Variants in PCDH9 observed in about 807,000 individuals in gnomAD.
The protein encoded by PCDH9 is protocadherin 9, also known as protocadherin-9.
A neutral mutation model predicts 70.6 loss-of-function variants in PCDH9; 24 were observed. The ratio of observed to expected loss-of-function variants is 0.34; its 90% CI spans 0.25 to 0.48. The LOEUF is 0.48. Among genes scored for constraint, PCDH9 ranks in the 20% least tolerant of loss-of-function variants. The pLI is 0.99. For missense variants in PCDH9, 1,281 were observed against 1,503.6 expected, an observed-to-expected ratio of 0.85 and a Z score of 2.45; for synonymous variants, 562 against 558.5, an observed-to-expected ratio of 1.01 and a Z score of -0.09.
At chr13:66,525,860 AC>A (rs1960196291) in intron 4 of PCDH9, among the ~76,000 whole-genome samples, 1 of 152,188 alleles carries the variant, frequency 6.6e-6, no homozygotes, top group African/African-American at 2.4e-5. Context: ...AAGACGACAT[AC>A]GTTCTTCACT....
intron 2 of PCDH9, among the ~76,000 whole-genome samples, chr13:67,054,414 A>C (rs1280363681): frequency 6.6e-6 from 1 of 152,182 alleles, no homozygotes; most frequent in African/African-American, 2.4e-5. Context: ...GTGGCTCAAA[A>C]GATGTTGGTT....
At chr13:66,997,902 G>GA (rs2084155319) in intron 2 of PCDH9, among the ~76,000 whole-genome samples, 1 of 152,106 alleles carries the variant, frequency 6.6e-6, no homozygotes, top group South Asian at 2.1e-4. Context: ...TGAAAAGAAA[G>GA]AAAAAATAAA....
intron 3 of PCDH9, among the ~76,000 whole-genome samples, chr13:66,660,185 G>A (rs575736163): frequency 6.6e-6 from 1 of 152,284 alleles, no homozygotes; most frequent in South Asian, 2.1e-4. Context: ...GTGAAATGCC[G>A]TGGAAATGTG....
intron 4 of PCDH9, among the ~76,000 whole-genome samples, chr13:66,601,882 T>A (rs2077169787): frequency 6.8e-6 from 1 of 146,482 alleles, no homozygotes. Context: ...GCCAGTCATA[T>A]AAAAGTATGG....
chr13:67,073,261 G>A (rs2085804511), intron 2 of PCDH9, among the ~76,000 whole-genome samples: 1 of 152,038 alleles, frequency 6.6e-6, no homozygotes, highest in Non-Finnish European at 1.5e-5. Flanking sequence ...CAAAGCTAAG[G>A]TGAATGGATC....
At chr13:67,122,514 C>T (rs1483181494) in intron 2 of PCDH9, among the ~76,000 whole-genome samples, 1 of 151,844 alleles carries the variant, frequency 6.6e-6, no homozygotes, top group Non-Finnish European at 1.5e-5. Context: ...GTGGCTCACA[C>T]CTGCAATCCC....
At chr13:66,454,030 A>T (rs1270863983) in intron 4 of PCDH9, among the ~76,000 whole-genome samples, 1 of 152,088 alleles carries the variant, frequency 6.6e-6, no homozygotes, top group Non-Finnish European at 1.5e-5. Context: ...AACTAAAAAA[A>T]ATCCCATGAT....
At chr13:66,533,935 G>A (rs1435933083) in intron 4 of PCDH9, among the ~76,000 whole-genome samples, 2 of 152,028 alleles carry the variant, frequency 1.3e-5, no homozygotes, top group African/African-American at 2.4e-5. Context: ...TTCTTTCTAT[G>A]TCTTTAGATA....
At chr13:66,909,638 G>A (rs899701810) in intron 2 of PCDH9, among the ~76,000 whole-genome samples, 4 of 151,942 alleles carry the variant, frequency 2.6e-5, no homozygotes, top group African/African-American at 9.7e-5. Flanking sequence ...GCGTGGTGGC[G>A]GGCGCCTGTA....
intron 2 of PCDH9, among the ~76,000 whole-genome samples, chr13:67,140,827 C>G (rs1305203521): frequency 6.6e-6 from 1 of 152,188 alleles, no homozygotes; most frequent in East Asian, 1.9e-4. Context: ...CTCTCATCAT[C>G]TTGGCTGTTA....
intron 2 of PCDH9, among the ~76,000 whole-genome samples, chr13:67,117,171 G>T (rs1055946894): frequency 6.6e-6 from 1 of 152,172 alleles, no homozygotes; most frequent in Non-Finnish European, 1.5e-5. Context: ...AGTTGTTTCT[G>T]TTGAGGAGCT....
intron 3 of PCDH9, among the ~76,000 whole-genome samples, chr13:66,704,213 A>T (rs939384484): frequency 8.5e-5 from 13 of 152,344 alleles, no homozygotes; most frequent in Admixed American, 3.3e-4. Context: ...TTGTTCATAC[A>T]ATAAAATTTG....
At chr13:66,470,284 C>T (rs911593636) in intron 4 of PCDH9, among the ~76,000 whole-genome samples, 5 of 152,058 alleles carry the variant, frequency 3.3e-5, no homozygotes, top group South Asian at 2.1e-4. Context: ...TGTACCTTAA[C>T]AGCCCTTTTG....
chr13:66,981,299 G>A (rs1441181745), intron 2 of PCDH9, among the ~76,000 whole-genome samples: 1 of 151,882 alleles, frequency 6.6e-6, no homozygotes, highest in East Asian at 1.9e-4. Context: ...TTAGCCGGGC[G>A]TGGTGGCAGG....
intron 3 of PCDH9, among the ~76,000 whole-genome samples, chr13:66,673,227 G>A (rs2078200830): frequency 6.6e-6 from 1 of 152,048 alleles, no homozygotes; most frequent in Admixed American, 6.6e-5. Flanking sequence ...CTTGTGACAG[G>A]GAATAAGTCT....
At position 66,888,381 on chromosome 13, in the gene PCDH9, A is replaced by C. The variant is rs374166997; in HGVS notation, c.3138+15123T>G. On this transcript the variant is annotated intron_variant, in intron 3 of 4. Coordinates refer to ENST00000377865, the MANE Select transcript of PCDH9 (RefSeq NM_203487.3). Reference sequence around the variant, plus strand: ...GCTGGGTGTGGTGGAACAAACTTGCAGTCCCAGCTACTCGGGAGGCTGAGG... The same window carrying C: ...GCTGGGTGTGGTGGAACAAACTTGCCGTCCCAGCTACTCGGGAGGCTGAGG... 1.6e-3 allele frequency among the ~76,000 whole-genome samples: 241 copies of C among 152,124 alleles called. 10 individuals carry two copies. In the South Asian group the frequency reaches 0.049, roughly 31 times the overall value.
intron 4 of PCDH9, among the ~76,000 whole-genome samples, chr13:66,543,107 T>C (rs998222655): frequency 1.3e-5 from 2 of 152,086 alleles, no homozygotes; most frequent in Non-Finnish European, 2.9e-5. Context: ...CCATTCTATA[T>C]TCTCATTAAC....
At chr13:67,071,296 C>G (rs1005040727) in intron 2 of PCDH9, among the ~76,000 whole-genome samples, 11 of 152,022 alleles carry the variant, frequency 7.2e-5, no homozygotes, top group Non-Finnish European at 1.5e-4. Context: ...AAAGAAGAAA[C>G]ATAAAAGGCT....
chr13:66,971,898 A>T (rs2083529212), intron 2 of PCDH9, among the ~76,000 whole-genome samples: 1 of 151,996 alleles, frequency 6.6e-6, no homozygotes, highest in Non-Finnish European at 1.5e-5. Context: ...TAAGTCTTCG[A>T]GCTATTGTTA....
Sources: allele counts gnomAD v4.1 joint callset (sites outside exome capture counted in the v4.1 genomes callset), GRCh38; gene constraint gnomAD v4.1.1; transcripts MANE v1.5; gene names NCBI Gene and HGNC (gene_info 2026-07-23, HGNC 2026-07-21).